Variants in ITSN2 observed in about 807,000 individuals in gnomAD.
The protein encoded by ITSN2 is intersectin-2.
ITSN2 carries 156 observed loss-of-function variants against 243.7 expected under a neutral mutation model. The ratio of observed to expected loss-of-function variants is 0.64; its 90% confidence interval spans 0.56 to 0.73. ITSN2 has a LOEUF of 0.73. Ranked by LOEUF, ITSN2 falls within the 30% of genes least tolerant of loss-of-function variation. The pLI, the probability that ITSN2 is intolerant of heterozygous loss-of-function variation, is 0.00. For synonymous variants in ITSN2, 703 were observed against 699.9 expected (o/e 1.00, Z -0.07); for missense variants, 1,801 against 1,996.1 (o/e 0.90, Z 1.86).
At chr2:24,294,737 AC>A (rs1453985960) in intron 14 of ITSN2, among the ~76,000 whole-genome samples, 1 of 152,166 alleles carries the variant, frequency 6.6e-6, no homozygotes, top group Non-Finnish European at 1.5e-5. Context: ...AGTAGCAATA[AC>A]CTTATTTTAA....
chr2:24,283,402 T>A (rs916121322), intron 17 of ITSN2, among the ~76,000 whole-genome samples: 4 of 152,174 alleles, frequency 2.6e-5, no homozygotes, highest in African/African-American at 9.7e-5. Context: ...TTTTTTGTAT[T>A]TTTAGTAGAG....
At chr2:24,224,868 G>A (rs575833318) in intron 29 of ITSN2, among the ~76,000 whole-genome samples, 16 of 152,314 alleles carry the variant, frequency 1.1e-4, no homozygotes, top group African/African-American at 3.6e-4. Context: ...GGCCTCAAGT[G>A]CTCTGCCCAT....
intron 9 of ITSN2, among the ~76,000 whole-genome samples, chr2:24,302,318 T>C (rs990058145): frequency 2.2e-4 from 33 of 151,912 alleles, no homozygotes; most frequent in Admixed American, 1.9e-3. Context: ...CCTGCCTCAG[T>C]CTCCCGAGTA....
intron 2 of ITSN2, among the ~76,000 whole-genome samples, chr2:24,317,569 G>T (rs1684080125): frequency 6.6e-6 from 1 of 152,188 alleles, no homozygotes; most frequent in African/African-American, 2.4e-5. Flanking sequence ...AAGGAGACAT[G>T]GGCAGAACCT....
intron 9 of ITSN2, among the ~76,000 whole-genome samples, chr2:24,302,413 T>C (rs1468798354): frequency 2.0e-5 from 3 of 152,048 alleles, no homozygotes; most frequent in Non-Finnish European, 4.4e-5. Context: ...TTAGCCAGGA[T>C]GGTCTCGATC....
Position 24,243,264 on chromosome 2 carries a change from T to C in ITSN2, c.3577+2865A>G, listed in dbSNP as rs184574183. ...CTCTAAAGCTACTTCAGAGAATGGATTGTCTTGTCTTGTTTGTATTCCCAG... is the reference window on the plus strand; with the variant it reads ...CTCTAAAGCTACTTCAGAGAATGGACTGTCTTGTCTTGTTTGTATTCCCAG... On this transcript the variant is annotated intron_variant, in intron 29 of 39. Coordinates refer to ENST00000355123, the MANE Select transcript of ITSN2 (RefSeq NM_006277.3). Among the ~76,000 whole-genome samples, 95 of 152,296 alleles carry C rather than the reference T, an allele frequency of 6.2e-4. 2 individuals are homozygous for C. Among genetic ancestry groups the C allele is most frequent in the Admixed American group, 6.1e-3 (93 of 15,294 alleles).
At chr2:24,336,747 CACT>C (rs1686427189) in intron 1 of ITSN2, among the ~76,000 whole-genome samples, 1 of 152,168 alleles carries the variant, frequency 6.6e-6, no homozygotes, top group Admixed American at 6.5e-5. Flanking sequence ...TCATTTATCA[CACT>C]ATTTTAATTT....
intron 8 of ITSN2, among the ~76,000 whole-genome samples, chr2:24,305,746 A>T (rs1682450640): frequency 6.6e-6 from 1 of 152,122 alleles, no homozygotes; most frequent in South Asian, 2.1e-4. Context: ...TTACCTACAG[A>T]TATATAGCTT....
intron 2 of ITSN2, among the ~76,000 whole-genome samples, chr2:24,320,380 G>A (rs535593467): frequency 1.4e-3 from 214 of 150,746 alleles, no homozygotes; most frequent in Non-Finnish European, 2.3e-3. Context: ...TTAGCCGGGC[G>A]CGGTGGCGGG....
chr2:24,307,112 C>T (rs924858089), intron 8 of ITSN2, among the ~76,000 whole-genome samples: 2 of 152,086 alleles, frequency 1.3e-5, no homozygotes, highest in Non-Finnish European at 2.9e-5. Flanking sequence ...CCAAAATTAA[C>T]TTTTTAAATG....
At chr2:24,284,232 T>G (rs1288896650) in intron 17 of ITSN2, among the ~76,000 whole-genome samples, 1 of 152,258 alleles carries the variant, frequency 6.6e-6, no homozygotes, top group Non-Finnish European at 1.5e-5. Flanking sequence ...TTATCTGATG[T>G]GCAAGCATGT....
chr2:24,333,653 G>A (rs1354996121), intron 1 of ITSN2, among the ~76,000 whole-genome samples: 1 of 152,056 alleles, frequency 6.6e-6, no homozygotes, highest in African/African-American at 2.4e-5. Flanking sequence ...AAATATATTG[G>A]GTAAATAGTA....
At chr2:24,318,972 T>C (rs1161195155) in intron 2 of ITSN2, among the ~76,000 whole-genome samples, 5 of 152,200 alleles carry the variant, frequency 3.3e-5, no homozygotes, top group Admixed American at 2.0e-4. Flanking sequence ...GAACTGTGTG[T>C]GTGAGGGATC....
At chr2:24,241,850 T>A (rs1672765594) in intron 29 of ITSN2, 3 of 152,620 alleles carry the variant, frequency 2.0e-5, no homozygotes, top group Admixed American at 2.0e-4. Flanking sequence ...AAGAATAGTT[T>A]GTGCAAATAG....
intron 23 of ITSN2, among the ~76,000 whole-genome samples, chr2:24,255,042 T>C (rs1674836284): frequency 6.6e-6 from 1 of 152,204 alleles, no homozygotes; most frequent in Non-Finnish European, 1.5e-5. Flanking sequence ...TTACAACTAC[T>C]GGTCACAACT....
At chr2:24,307,236 T>C (rs907849198) in intron 8 of ITSN2, among the ~76,000 whole-genome samples, 5 of 152,192 alleles carry the variant, frequency 3.3e-5, no homozygotes, top group African/African-American at 1.2e-4. Context: ...TTCCACTGGC[T>C]ATAAGACATA....
intron 15 of ITSN2, among the ~76,000 whole-genome samples, chr2:24,290,913 T>C (rs375741371): frequency 1.0e-5 from 1 of 100,188 alleles, no homozygotes; most frequent in African/African-American, 3.0e-5. Context: ...TCCTCCCCCC[T>C]ACCAAAGTTT....
In ITSN2 at chr2:24,258,086, A is replaced by G. The variant is rs1675296676; in HGVS notation, c.2690T>C (p.Val897Ala). The change falls in exon 23 of 40, where the codon GTG (valine) becomes GCG (alanine). Residue 897 changes from valine (V) to alanine (A), a missense_variant. Coordinates refer to ENST00000355123, the MANE Select transcript of ITSN2 (RefSeq NM_006277.3). ...GGCCTGTGCTTTTAAGTTTTCTACC[A>G]CTTGTCCCTATGAATACAAAACCAC... ...SVSPIHGQGQ[V>A]VENLKAQALC... 1 of 1,613,224 alleles carries G rather than the reference A, an allele frequency of 6.2e-7. No individual in the cohort carries two copies. The highest frequency in any genetic ancestry group is 8.5e-7 in the Non-Finnish European group (1 of 1,179,528).
rs1488897764 is a variant in ITSN2 at position 24,209,208 on chromosome 2, T to C, written c.4487A>G (p.Asn1496Ser). Reference sequence around the variant, plus strand: ...TGTGGGCAGTTTCACCAAGACTTCATTCAGGAAAATGGGCTGAAAGAATTA... The same window carrying C: ...TGTGGGCAGTTTCACCAAGACTTCACTCAGGAAAATGGGCTGAAAGAATTA... Reference protein sequence around the residue: ...FKMYKTPIFLNEVLVKLPTDP... With the variant: ...FKMYKTPIFLSEVLVKLPTDP... The change falls in exon 36 of 40, where the codon AAT becomes AGT. Residue 1496 changes from asparagine (N) to serine (S), a missense_variant. Coordinates refer to ENST00000355123, the MANE Select transcript of ITSN2 (RefSeq NM_006277.3). 6.2e-7 allele frequency: 1 copy of C among 1,614,108 alleles called. No individual in the cohort carries two copies. Among genetic ancestry groups the C allele is most frequent in the South Asian group, 1.1e-5 (1 of 91,082 alleles).
Sources: gnomAD v4.1 joint callset for allele counts (sites outside exome capture counted in the v4.1 genomes callset) on GRCh38, gnomAD v4.1.1 for gene constraint, MANE v1.5 for transcripts, NCBI Gene and HGNC (gene_info 2026-07-23, HGNC 2026-07-21) for gene names.